Variants in PGAM2 observed in about 807,000 individuals in gnomAD.
The protein encoded by PGAM2 is phosphoglycerate mutase 2, also known as BPG-dependent PGAM 2.
A neutral mutation model predicts 22.5 loss-of-function variants in PGAM2; 23 were observed. The observed-to-expected ratio is 1.02, with a 90% CI of 0.74 to 1.45. PGAM2 has a LOEUF of 1.45. PGAM2 is among the 40% of genes most tolerant of loss of function. The pLI, the probability that PGAM2 is intolerant of heterozygous loss-of-function variation, is 0.00. For synonymous variants in PGAM2, 133 were observed against 138.6 expected (o/e 0.96, Z 0.29); for missense variants, 349 against 356.2 (o/e 0.98, Z 0.16).
intron 2 of PGAM2, 39 bp downstream of exon 2, chr7:44,064,793 G>GGCCCCCCACCCCT: frequency 8.8e-7 from 1 of 1,136,982 alleles, no homozygotes; most frequent in African/African-American, 1.5e-5. Context: ...TGGGGCTGCT[G>GGCCCCCCACCCCT]CCCACCCACC....
At position 44,062,825 on chromosome 7, in the gene PGAM2, C is replaced by T; in HGVS notation, c.701G>A (p.Gly234Asp). 6.2e-7 allele frequency: 1 copy of T among 1,614,228 alleles called. No individual in the cohort carries two copies. ...LKPTKPMQFL[G>D]DEETVRKAME... ...GGCCTTCCGCACCGTTTCCTCATCA[C>T]CCAGGAACTGCATGGGCTTGGTGGG... is the stretch of plus-strand genomic sequence containing the variant. Residue 234 changes from glycine to aspartate, a missense_variant, in exon 3 of 3, where the codon GGT (glycine) becomes GAT (aspartate). Gly to Asp is a moderately conservative substitution (Grantham distance 94, BLOSUM62 -1). Transcript: ENST00000297283.
Position 44,065,287 on chromosome 7 carries a change from C to T in PGAM2, c.243G>A (p.Val81=), listed in dbSNP as rs2096157564. 1.2e-6 allele frequency: 2 copies of T among 1,613,538 alleles called. No individual in the cohort carries two copies. Among genetic ancestry groups the T allele is most frequent in the Non-Finnish European group, 1.7e-6 (2 of 1,180,048 alleles). Residue 81 remains valine (V), a synonymous_variant, in exon 1 of 3, where the codon GTG becomes GTA. Transcript: ENST00000297283. Reference sequence around the variant, plus strand: ...GCTCATTGAGGCGCCAAGTGCGCACCACAGGCAGCCACATCTGGTCCGTGC... The same window carrying T: ...GCTCATTGAGGCGCCAAGTGCGCACTACAGGCAGCCACATCTGGTCCGTGC... The part of the protein sequence containing the change: ...LDGTDQMWLP[V]VRTWRLNERH...
Position 44,065,199 on chromosome 7 carries a change from G to A in PGAM2, c.331C>T (p.Gln111Ter), listed in dbSNP as rs764676548. 1.1e-5 allele frequency: 17 copies of A among 1,614,054 alleles called. No individual in the cohort carries two copies. The highest frequency in any genetic ancestry group is 1.4e-5 in the Non-Finnish European group (16 of 1,180,034). ...AAGGAGCGCCTCCAGATCTTCACCTGCTCCTCCCCGTGCTTGGCGGCCGTT... is the reference window on the plus strand; with the variant it reads ...AAGGAGCGCCTCCAGATCTTCACCTACTCCTCCCCGTGCTTGGCGGCCGTT... ...AETAAKHGEE[Q>*]VKIWRRSFDI... The change falls in exon 1 of 3, where the codon CAG becomes TAG. Residue 111 changes from glutamine (Q) to a stop codon, truncating the protein, a stop_gained. Coordinates refer to ENST00000297283, the MANE Select transcript of PGAM2 (RefSeq NM_000290.4). LOFTEE classifies it high-confidence loss of function.
intron 2 of PGAM2, chr7:44,063,779 A>C (rs1008658808): frequency 2.6e-5 from 4 of 152,428 alleles, no homozygotes; most frequent in African/African-American, 9.6e-5. Flanking sequence ...AGGAGGGTTT[A>C]AGAAAATGTT....
rs759965153 is a variant in PGAM2, at chr7:44,062,750, C to T, written c.*14G>A. Reference sequence around the variant, plus strand: ...GCTGTTGGGGGAGGTGCCTTTATTGCCCAAGCCCACCCCTCACTTGGCCTT... The same window carrying T: ...GCTGTTGGGGGAGGTGCCTTTATTGTCCAAGCCCACCCCTCACTTGGCCTT... On this transcript the variant is annotated 3_prime_UTR_variant, in exon 3 of 3. Transcript: ENST00000297283. The T allele has an allele frequency of 1.2e-6, 2 of 1,613,710 alleles. No homozygotes were observed. Among genetic ancestry groups the T allele is most frequent in the South Asian group, 1.1e-5 (1 of 91,042 alleles).
In PGAM2 at chr7:44,063,253, C is replaced by T. The variant is rs1380358249; in HGVS notation, c.596-323G>A. On this transcript the variant is annotated intron_variant, in intron 2 of 2. Transcript: ENST00000297283. Reference sequence around the variant, plus strand: ...TGAAGTTGAGGGTCAGGAAGGGACACTCACCCTTTGTTTTTTTTTTTTCTT... The same window carrying T: ...TGAAGTTGAGGGTCAGGAAGGGACATTCACCCTTTGTTTTTTTTTTTTCTT... The T allele has an allele frequency of 4.1e-5, 17 of 413,610 alleles. 1 individual carries two copies. The highest frequency in any genetic ancestry group is 6.2e-5 in the Non-Finnish European group (14 of 224,626). 25.6% of individuals were successfully genotyped at this position (413,610 alleles called of 1,614,324 possible). A position where few individuals can be genotyped will look rare whatever the true frequency, so the allele number is the denominator to read the frequency against.
chr7:44,065,515 G>A lies in PGAM2; in HGVS notation c.15C>T (p.Arg5=), dbSNP rs1430361929. 3 of 1,613,900 alleles carry A rather than the reference G, an allele frequency of 1.9e-6. No homozygotes were observed. In the African/African-American group the frequency reaches 4.0e-5, roughly 22 times the overall value. The part of the protein sequence containing the change: MATH[R]LVMVRHGEST... The stretch of plus-strand genomic sequence containing the variant: ...TCTCGCCGTGCCGGACCATCACGAG[G>A]CGGTGAGTGGCCATGGTGGCAGCAG... The change falls in exon 1 of 3, where the codon CGC becomes CGT. Residue 5 remains arginine (R), a synonymous_variant. Transcript: ENST00000297283.
chr7:44,065,256 A>G lies in PGAM2; in HGVS notation c.274T>C (p.Tyr92His), dbSNP rs1479523853. 1.2e-6 allele frequency: 2 copies of G among 1,613,710 alleles called. No homozygotes were observed. Among genetic ancestry groups the G allele is most frequent in the Non-Finnish European group, 1.7e-6 (2 of 1,180,032 alleles). ...TTGTTGAGGCCTGTGAGGCCCCCGT[A>G]ATGCCGCTCATTGAGGCGCCAAGTG... ...VRTWRLNERH[Y>H]GGLTGLNKAE... Residue 92 changes from tyrosine to histidine, a missense_variant, in exon 1 of 3, where the codon TAC (tyrosine) becomes CAC (histidine). By Grantham distance (83) the Tyr-to-His change is moderately conservative (BLOSUM62 2). Transcript: ENST00000297283.
rs779880310 is a variant in PGAM2 at position 44,065,479 on chromosome 7, G to T, written c.51C>A (p.Asn17Lys). The change falls in exon 1 of 3, where the codon AAC becomes AAA. Residue 17 changes from asparagine (N) to lysine (K), a missense_variant. Coordinates refer to ENST00000297283, the MANE Select transcript of PGAM2 (RefSeq NM_000290.4). ...VMVRHGESTWNQENRFCGWFD... is the reference protein window; with the variant it reads ...VMVRHGESTWKQENRFCGWFD... The stretch of plus-strand genomic sequence containing the variant: ...ACCAGCCACAGAAACGGTTCTCCTG[G>T]TTCCATGTGCTCTCGCCGTGCCGGA... The T allele has an allele frequency of 7.4e-6, 12 of 1,613,988 alleles. No homozygotes were observed. Among genetic ancestry groups the T allele is most frequent in the Non-Finnish European group, 1.0e-5 (12 of 1,180,050 alleles).
intron 2 of PGAM2, 125 bp from the exon 3 acceptor site, chr7:44,063,055 G>T: frequency 9.8e-7 from 1 of 1,015,352 alleles, no homozygotes; most frequent in Non-Finnish European, 1.5e-6. Flanking sequence ...CCAGCCCTGA[G>T]AACGAGGCCA....
intron 2 of PGAM2, chr7:44,064,554 G>A (rs576441422): frequency 6.0e-6 from 3 of 503,246 alleles, no homozygotes; most frequent in African/African-American, 5.8e-5. Flanking sequence ...TTCCTAGCTG[G>A]GTGTCCCTTG....
chr7:44,065,019 G>T lies in PGAM2; in HGVS notation c.415-7C>A. On this transcript the variant is annotated splice_polypyrimidine_tract_variant and splice_region_variant and intron_variant, in intron 1 of 2. Transcript: ENST00000297283. ...GGCCTGCGTACCGACGCTCCTGGGG[G>T]ACACAGGCACGCTGCTTTCCCTCCC... 2 of 1,606,590 alleles carry T rather than the reference G, an allele frequency of 1.2e-6. No individual in the cohort carries two copies. The highest frequency in any genetic ancestry group is 1.1e-5 in the South Asian group (1 of 90,880).
At position 44,065,265 on chromosome 7, in the gene PGAM2, CA is replaced by C; in HGVS notation, c.264del (p.Asn88LysfsTer25). On this transcript the variant is annotated frameshift_variant, in exon 1 of 3. Coordinates refer to ENST00000297283, the MANE Select transcript of PGAM2 (RefSeq NM_000290.4). LOFTEE classifies it high-confidence loss of function. ...CCTGTGAGGCCCCCGTAATGCCGCTCATTGAGGCGCCAAGTGCGCACCACAG... is the reference window on the plus strand; with the variant it reads ...CCTGTGAGGCCCCCGTAATGCCGCTCTTGAGGCGCCAAGTGCGCACCACAG... ...WLPVVRTWRL[N>X]ERHYGGLTGL... The C allele has an allele frequency of 6.2e-7, 1 of 1,613,796 alleles. No individual in the cohort carries two copies. Among genetic ancestry groups the C allele is most frequent in the Non-Finnish European group, 8.5e-7 (1 of 1,180,046 alleles).
chr7:44,064,849 A>G lies in PGAM2; in HGVS notation c.578T>C (p.Ile193Thr), dbSNP rs529416707. ...IAAHGNSLRG[I>T]VKHLEGMSDQ... ...GGCCTCACCTTCCAGGTGCTTGACA[A>G]TGCCCCGCAGGCTGTTCCCGTGGGC... The change falls in exon 2 of 3, where the codon ATT (isoleucine) becomes ACT (threonine). Residue 193 changes from isoleucine to threonine, a missense_variant. Physicochemically the swap from Ile to Thr is moderately conservative, Grantham distance 89 (BLOSUM62 -1). Coordinates refer to ENST00000297283, the MANE Select transcript of PGAM2 (RefSeq NM_000290.4). The G allele has an allele frequency of 6.2e-6, 10 of 1,608,414 alleles. No individual in the cohort carries two copies. Among genetic ancestry groups the G allele is most frequent in the East Asian group, 2.2e-5 (1 of 44,802 alleles).
Position 44,065,497 on chromosome 7 carries a change from G to A in PGAM2, c.33C>T (p.His11=), listed in dbSNP as rs759917797. The change falls in exon 1 of 3, where the codon CAC becomes CAT. Residue 11 remains histidine (H), a synonymous_variant. Transcript: ENST00000297283. ...TCTCCTGGTTCCATGTGCTCTCGCC[G>A]TGCCGGACCATCACGAGGCGGTGAG... MATHRLVMVR[H]GESTWNQENR... is the part of the protein sequence containing the mutation. 18 of 1,613,882 alleles carry A rather than the reference G, an allele frequency of 1.1e-5. No individual in the cohort carries two copies. The highest frequency in any genetic ancestry group is 6.7e-5 in the East Asian group (3 of 44,892).
In PGAM2 at chr7:44,064,911, A is replaced by G. The variant is rs1586001503; in HGVS notation, c.516T>C (p.Val172=). 6.2e-7 allele frequency: 1 copy of G among 1,607,522 alleles called. No individual in the cohort carries two copies. Among genetic ancestry groups the G allele is most frequent in the Non-Finnish European group, 8.5e-7 (1 of 1,177,958 alleles). Residue 172 remains valine (V), a synonymous_variant, in exon 2 of 3, where the codon GTT becomes GTC. Coordinates refer to ENST00000297283, the MANE Select transcript of PGAM2 (RefSeq NM_000290.4). The part of the protein sequence containing the change: ...RALPFWNEEI[V]PQIKAGKRVL... ...CTCGCTTGCCGGCCTTGATCTGGGGAACAATCTCCTCGTTCCAGAAGGGCA... is the reference window on the plus strand; with the variant it reads ...CTCGCTTGCCGGCCTTGATCTGGGGGACAATCTCCTCGTTCCAGAAGGGCA...
intron 2 of PGAM2, chr7:44,063,262 T>G: frequency 3.0e-6 from 1 of 330,468 alleles, no homozygotes; most frequent in Non-Finnish European, 5.7e-6. Context: ...ACTCACCCTT[T>G]GTTTTTTTTT....
At chr7:44,063,900 G>A (rs1168344619) in intron 2 of PGAM2, 1 of 152,416 alleles carries the variant, frequency 6.6e-6, no homozygotes, top group African/African-American at 2.4e-5. Context: ...CCGGAAGGGA[G>A]AGGAGGCAGG....
rs550730508 is a variant in PGAM2 at position 44,065,533 on chromosome 7, G to A, written c.-4C>T. The A allele has an allele frequency of 1.1e-4, 172 of 1,613,580 alleles. No individual in the cohort carries two copies. The highest frequency in any genetic ancestry group is 1.4e-4 in the Non-Finnish European group (166 of 1,179,938). ...TCACGAGGCGGTGAGTGGCCATGGT[G>A]GCAGCAGGGACCACAGAGGACTCTG... On this transcript the variant is annotated 5_prime_UTR_variant, in exon 1 of 3. Transcript: ENST00000297283.
Sources: gnomAD v4.1 joint callset for allele counts on GRCh38, gnomAD v4.1.1 for gene constraint, MANE v1.5 for transcripts, NCBI Gene and HGNC (gene_info 2026-07-23, HGNC 2026-07-21) for gene names.